The following MGLL variants were observed in gnomAD, a reference collection of about 807,000 sequenced individuals.
MGLL encodes lysophospholipase homolog.
MGLL carries 7 observed loss-of-function variants against 29.1 expected under a neutral mutation model. That is an observed-to-expected ratio of 0.24 (90% CI 0.14 to 0.45). MGLL has a LOEUF of 0.45. Among genes scored for constraint, MGLL ranks in the 20% least tolerant of loss-of-function variants. The pLI is 0.99. For missense variants in MGLL, 356 were observed against 413.6 expected (o/e 0.86, Z 1.21); for synonymous variants, 148 against 168.3 (o/e 0.88, Z 0.93).
intron 2 of MGLL, among the ~76,000 whole-genome samples, chr3:127,802,777 T>G (rs1559980150): frequency 6.6e-6 from 1 of 152,144 alleles, no homozygotes; most frequent in Non-Finnish European, 1.5e-5. Context: ...GAGGCGACAT[T>G]TAGATCAATA....
intron 3 of MGLL, among the ~76,000 whole-genome samples, chr3:127,732,712 T>A (rs1156540836): frequency 1.3e-5 from 2 of 152,176 alleles, no homozygotes; most frequent in Non-Finnish European, 2.9e-5. Context: ...CTGGGAAATG[T>A]TCTTCTGAAG....
intron 3 of MGLL, among the ~76,000 whole-genome samples, chr3:127,729,274 C>T (rs1451762017): frequency 6.6e-6 from 1 of 152,140 alleles, no homozygotes; most frequent in Non-Finnish European, 1.5e-5. Context: ...ACTTATATTT[C>T]TTTTGCAGTG....
At chr3:127,788,837 G>A (rs1559971458) in intron 2 of MGLL, among the ~76,000 whole-genome samples, 2 of 152,174 alleles carry the variant, frequency 1.3e-5, no homozygotes, top group African/African-American at 4.8e-5. Context: ...CCTGTCCCTA[G>A]CAGCCGGCAC....
intron 3 of MGLL, among the ~76,000 whole-genome samples, chr3:127,722,796 G>T (rs979810862): frequency 6.6e-6 from 1 of 152,194 alleles, no homozygotes; most frequent in African/African-American, 2.4e-5. Context: ...ACACCACTAG[G>T]AAGCAACGAG....
At chr3:127,726,336 G>A (rs116122481) in intron 3 of MGLL, among the ~76,000 whole-genome samples, 4,183 of 147,592 alleles carry the variant, frequency 0.028, 204 homozygotes, top group African/African-American at 0.1. Context: ...GAAAGAAAGA[G>A]GAAAGAAAGA....
chr3:127,710,406 T>G (rs896325996), intron 6 of MGLL, among the ~76,000 whole-genome samples, 170 bp downstream of exon 6: 3 of 152,130 alleles, frequency 2.0e-5, no homozygotes, highest in African/African-American at 7.2e-5. Flanking sequence ...AACCCACCCT[T>G]TTCACCCAAA....
At chr3:127,767,934 T>C (rs1426991693) in intron 3 of MGLL, among the ~76,000 whole-genome samples, 2 of 152,196 alleles carry the variant, frequency 1.3e-5, no homozygotes, top group African/African-American at 4.8e-5. Flanking sequence ...ACTTATGAGG[T>C]AGAAATTTCA....
chr3:127,703,985 A>G (rs1485254341), intron 6 of MGLL, among the ~76,000 whole-genome samples: 1 of 152,228 alleles, frequency 6.6e-6, no homozygotes, highest in Non-Finnish European at 1.5e-5. Context: ...ACTACATTCC[A>G]AGACTACAGT....
At chr3:127,811,774 G>A (rs2077667284) in intron 2 of MGLL, among the ~76,000 whole-genome samples, 1 of 152,258 alleles carries the variant, frequency 6.6e-6, no homozygotes, top group Non-Finnish European at 1.5e-5. Context: ...CAAGAACTGA[G>A]GTGATCCCAC....
intron 5 of MGLL, chr3:127,712,901 T>C (rs547486954): frequency 2.0e-5 from 3 of 152,284 alleles, no homozygotes; most frequent in Admixed American, 1.3e-4. Context: ...ACTCCAAGAA[T>C]TGGGAGCTCG....
At chr3:127,818,550 G>T (rs2077802916) in intron 2 of MGLL, among the ~76,000 whole-genome samples, 2 of 152,104 alleles carry the variant, frequency 1.3e-5, no homozygotes, top group Non-Finnish European at 2.9e-5. Context: ...CGATTAGGGA[G>T]AATTAATTAT....
chr3:127,695,103 C>T lies in MGLL; in HGVS notation c.688G>A (p.Val230Met). ...GIQLLNAVSR[V>M]ERALPKLTVP... The stretch of plus-strand genomic sequence containing the variant: ...GTCAGCTTGGGGAGGGCGCGCTCCA[C>T]CCGTGAGACGGCATTCAGCAGTTGG... Residue 230 changes from valine (V) to methionine (M), a missense_variant, in exon 7 of 8, where the codon GTG becomes ATG. Transcript: ENST00000265052. 1 of 1,614,186 alleles carries T rather than the reference C, an allele frequency of 6.2e-7. No homozygotes were observed. The highest frequency in any genetic ancestry group is 1.3e-5 in the African/African-American group (1 of 75,052).
At chr3:127,738,911 T>C (rs2076289503) in intron 3 of MGLL, among the ~76,000 whole-genome samples, 1 of 152,246 alleles carries the variant, frequency 6.6e-6, no homozygotes, top group Non-Finnish European at 1.5e-5. Flanking sequence ...ACCAATGCCC[T>C]ACGGCCACAC....
intron 5 of MGLL, among the ~76,000 whole-genome samples, chr3:127,718,076 T>C (rs74745851): frequency 0.03 from 4,507 of 152,010 alleles, 225 homozygotes; most frequent in African/African-American, 0.1. Context: ...TCCCAGCTTG[T>C]TGAAAACCAG....
At chr3:127,746,968 G>A (rs967683443) in intron 3 of MGLL, among the ~76,000 whole-genome samples, 4 of 152,190 alleles carry the variant, frequency 2.6e-5, no homozygotes, top group African/African-American at 7.2e-5. Flanking sequence ...CTGAACCTGC[G>A]CAAACAAGTG....
intron 6 of MGLL, among the ~76,000 whole-genome samples, chr3:127,705,915 A>G (rs772415046): frequency 2.5e-4 from 38 of 152,212 alleles, no homozygotes; most frequent in Non-Finnish European, 5.0e-4. Context: ...CATACCCATT[A>G]GGATGGCTAC....
chr3:127,737,730 C>T (rs1007228619), intron 3 of MGLL, among the ~76,000 whole-genome samples: 5 of 147,852 alleles, frequency 3.4e-5, no homozygotes, highest in Non-Finnish European at 7.4e-5. Flanking sequence ...CTGCAACCTC[C>T]ACCTCCCGGG....
intron 3 of MGLL, among the ~76,000 whole-genome samples, chr3:127,746,216 G>A (rs1371687981): frequency 6.6e-6 from 1 of 152,172 alleles, no homozygotes; most frequent in Non-Finnish European, 1.5e-5. Flanking sequence ...CCTTCAGGGA[G>A]AAAACAAGCC....
At chr3:127,822,191 G>A in intron 1 of MGLL, 118 bp downstream of exon 1, 1 of 1,169,282 alleles carries the variant, frequency 8.6e-7, no homozygotes, top group Non-Finnish European at 1.3e-6. Context: ...AGACCCAGCT[G>A]CAAGAAGACC....
Sources: allele counts gnomAD v4.1 joint callset (sites outside exome capture counted in the v4.1 genomes callset), GRCh38; gene constraint gnomAD v4.1.1; transcripts MANE v1.5; gene names NCBI Gene and HGNC (gene_info 2026-07-23, HGNC 2026-07-21).